Variants in PEX1 observed in about 807,000 individuals in gnomAD.
PEX1 encodes the protein peroxisomal biogenesis factor 1, also known as peroxisomal ATPase PEX1.
PEX1 carries 97 observed loss-of-function variants against 152.5 expected under a neutral mutation model. The observed-to-expected ratio is 0.64, with a 90% CI of 0.54 to 0.75. PEX1 has a LOEUF of 0.75. Ranked by LOEUF, PEX1 falls within the 30% of genes least tolerant of loss-of-function variation. The probability of loss-of-function intolerance (pLI) is 0.00; values close to 1 mark genes in which losing one functional copy is unlikely to be tolerated. For missense variants in PEX1, 1,357 were observed against 1,516.3 expected (o/e 0.89, Z 1.74); for synonymous variants, 485 against 531.6 (o/e 0.91, Z 1.21).
chr7:92,524,838 A>G (rs1793197332), intron 1 of PEX1, among the ~76,000 whole-genome samples: 1 of 152,154 alleles, frequency 6.6e-6, no homozygotes, highest in African/African-American at 2.4e-5. Flanking sequence ...CTATTACAAG[A>G]ATGAAGGTGA....
At chr7:92,516,845 A>G (rs1418929209) in intron 5 of PEX1, among the ~76,000 whole-genome samples, 1 of 152,040 alleles carries the variant, frequency 6.6e-6, no homozygotes, top group Non-Finnish European at 1.5e-5. Flanking sequence ...CATGCCATGG[A>G]TCTCTCCCTA....
At chr7:92,490,295 A>C in intron 21 of PEX1, 1 of 236,018 alleles carries the variant, frequency 4.2e-6, no homozygotes, top group Non-Finnish European at 8.3e-6. Flanking sequence ...TTAAACCACC[A>C]CCTTACTGTT....
chr7:92,525,577 T>C (rs939124576), intron 1 of PEX1, among the ~76,000 whole-genome samples: 1 of 152,176 alleles, frequency 6.6e-6, no homozygotes, highest in Non-Finnish European at 1.5e-5. Flanking sequence ...ACCTTTTTGG[T>C]TGTCACAGAT....
At chr7:92,492,711 C>T (rs1462191104) in intron 20 of PEX1, among the ~76,000 whole-genome samples, 1 of 152,152 alleles carries the variant, frequency 6.6e-6, no homozygotes, top group Non-Finnish European at 1.5e-5. Flanking sequence ...TCCTTGCAAA[C>T]ACCAACATGT....
At chr7:92,499,921 G>GA in intron 15 of PEX1, 83 bp from the exon 16 acceptor site, 15 of 1,135,046 alleles carry the variant, frequency 1.3e-5, no homozygotes, top group East Asian at 2.4e-5. Context: ...TCAATGTATA[G>GA]AAAAAAAATT....
rs1221339904 is a variant in PEX1, at chr7:92,517,503, G to C, written c.1012C>G (p.Leu338Val). 1.2e-6 allele frequency: 2 copies of C among 1,613,930 alleles called. No individual in the cohort carries two copies. The highest frequency in any genetic ancestry group is 1.7e-6 in the Non-Finnish European group (2 of 1,179,984). The stretch of plus-strand genomic sequence containing the variant: ...CTTTGCTGTTGCTTTGGAGAAAGTA[G>C]CTTAACTAGCTTTCCATATGTCACA... The part of the protein sequence containing the change: ...FTVTYGKLVK[L>V]LSPKQQQSKT... The change falls in exon 5 of 24, where the codon CTA (leucine) becomes GTA (valine). Residue 338 changes from leucine to valine, a missense_variant. Physicochemically the swap from Leu to Val is conservative, Grantham distance 32. Transcript: ENST00000248633.
chr7:92,527,324 C>G (rs1793318589), intron 1 of PEX1, among the ~76,000 whole-genome samples: 1 of 152,184 alleles, frequency 6.6e-6, no homozygotes. Context: ...ACTGAACCAA[C>G]TTCTACCTGG....
intron 13 of PEX1, among the ~76,000 whole-genome samples, chr7:92,502,693 A>T (rs945466265): frequency 3.9e-5 from 6 of 152,170 alleles, no homozygotes; most frequent in Non-Finnish European, 8.8e-5. Flanking sequence ...TACCACTAAA[A>T]CCCTCATGAG....
Position 92,517,483 on chromosome 7 carries a change from C to T in PEX1, c.1032G>A (p.Gln344=). ...ACACATTTTGTTTTGTTTTACTTTGCTGTTGCTTTGGAGAAAGTAGCTTAA... is the reference window on the plus strand; with the variant it reads ...ACACATTTTGTTTTGTTTTACTTTGTTGTTGCTTTGGAGAAAGTAGCTTAA... ...KLVKLLSPKQ[Q]QSKTKQNVLS... Residue 344 remains glutamine, a synonymous_variant, in exon 5 of 24, where the codon CAG becomes CAA. Transcript: ENST00000248633. 2 of 1,613,850 alleles carry T rather than the reference C, an allele frequency of 1.2e-6. No individual in the cohort carries two copies. Among genetic ancestry groups the T allele is most frequent in the Middle Eastern group, 1.7e-4 (1 of 6,060 alleles).
intron 16 of PEX1, among the ~76,000 whole-genome samples, 168 bp downstream of exon 16, chr7:92,499,536 G>T (rs539453848): frequency 2.0e-5 from 3 of 152,218 alleles, no homozygotes; most frequent in Non-Finnish European, 4.4e-5. Context: ...GTTGCCAGGG[G>T]ATAAGCAAGA....
intron 1 of PEX1, among the ~76,000 whole-genome samples, chr7:92,526,624 T>C (rs1793278846): frequency 6.6e-6 from 1 of 152,202 alleles, no homozygotes. Flanking sequence ...TTAAGTACAA[T>C]CTAAATGGTC....
chr7:92,491,550 G>A, intron 20 of PEX1, 48 bp from the exon 21 acceptor site: 1 of 1,128,754 alleles, frequency 8.9e-7, no homozygotes, highest in Non-Finnish European at 1.3e-6. Flanking sequence ...AACAATTTTA[G>A]TCTCAGAAAT....
At chr7:92,507,325 A>G in intron 9 of PEX1, 199 bp from the exon 10 acceptor site, 1 of 498,164 alleles carries the variant, frequency 2.0e-6, no homozygotes, top group Non-Finnish European at 3.6e-6. Context: ...TGCAGCCTCA[A>G]ACGCCCTGGC....
At chr7:92,490,955 A>G (rs561049259) in intron 21 of PEX1, among the ~76,000 whole-genome samples, 8 of 152,214 alleles carry the variant, frequency 5.3e-5, no homozygotes, top group Non-Finnish European at 1.0e-4. Context: ...TGTTCATGAT[A>G]ACAGAATTTA....
chr7:92,503,228 G>A, intron 12 of PEX1, 33 bp from the exon 13 acceptor site: 1 of 1,591,710 alleles, frequency 6.3e-7, no homozygotes, highest in East Asian at 2.2e-5. Context: ...AAAAGCTTAG[G>A]AAAAGTAAAC....
rs1031595962 is a variant in PEX1, at chr7:92,519,091, A to T, written c.274-13T>A. 6.8e-7 allele frequency: 1 copy of T among 1,478,924 alleles called. No homozygotes were observed. The highest frequency in any genetic ancestry group is 2.3e-5 in the East Asian group (1 of 44,210). The allele number at this position is 1,478,924 out of a possible 1,614,324, so 91.6% of individuals were successfully genotyped here. ...GCTTGAGAAATACCTAGAAAAAATT[A>T]AAAATTTAAAACTACTTTAAAAAAA... On this transcript the variant is annotated splice_polypyrimidine_tract_variant and intron_variant, in intron 2 of 23. Coordinates refer to ENST00000248633, the MANE Select transcript of PEX1 (RefSeq NM_000466.3).
intron 16 of PEX1, among the ~76,000 whole-genome samples, chr7:92,497,835 C>T (rs1277076024): frequency 5.3e-5 from 8 of 151,752 alleles, no homozygotes; most frequent in Non-Finnish European, 7.4e-5. Flanking sequence ...TTTGGGAGGC[C>T]GAAGCTGGTG....
At chr7:92,510,031 C>A (rs1792382196) in intron 8 of PEX1, among the ~76,000 whole-genome samples, 1 of 151,908 alleles carries the variant, frequency 6.6e-6, no homozygotes, top group Non-Finnish European at 1.5e-5. Context: ...GTAATCCTAG[C>A]TACTAGGGAA....
intron 5 of PEX1, among the ~76,000 whole-genome samples, chr7:92,516,060 G>GAGAAGAGAAGAGAA (rs1562864877): frequency 5.5e-4 from 29 of 52,342 alleles, no homozygotes; most frequent in South Asian, 2.1e-3. Flanking sequence ...AGAGAAAAAA[G>GAGAAGAGAAGAGAA]AAAAGAAAAG....
Sources: allele counts gnomAD v4.1 joint callset (sites outside exome capture counted in the v4.1 genomes callset), GRCh38; gene constraint gnomAD v4.1.1; transcripts MANE v1.5; gene names NCBI Gene and HGNC (gene_info 2026-07-23, HGNC 2026-07-21).